Variants in SERPINB7 observed in about 807,000 individuals in gnomAD.
The protein encoded by SERPINB7 is serpin family B member 7, also known as serpin B7.
In SERPINB7, 31 loss-of-function variants were observed where a neutral mutation model predicts 37.4. The ratio of observed to expected loss-of-function variants is 0.83; its 90% CI spans 0.62 to 1.12. The LOEUF is 1.12. Ranked by LOEUF, SERPINB7 falls within the 50% of genes most tolerant of loss-of-function variation. The pLI is 0.00. For missense variants in SERPINB7, 521 were observed against 455.3 expected (o/e 1.14, Z -1.31); for synonymous variants, 163 against 166.1 (o/e 0.98, Z 0.14).
At chr18:63,788,727 A>G (rs2049397493) in intron 2 of SERPINB7, among the ~76,000 whole-genome samples, 1 of 152,172 alleles carries the variant, frequency 6.6e-6, no homozygotes, top group South Asian at 2.1e-4. Flanking sequence ...ACCAGTTTTC[A>G]TCTTTCATAC....
chr18:63,801,037 T>C (rs774531194), intron 7 of SERPINB7, 25 bp downstream of exon 7: 24 of 1,607,666 alleles, frequency 1.5e-5, no homozygotes, highest in Non-Finnish European at 2.0e-5. Flanking sequence ...TCATTTTCAC[T>C]ATTGGGAAAT....
chr18:63,772,406 T>TA (rs1299877262), upstream of SERPINB7, among the ~76,000 whole-genome samples: 4 of 152,024 alleles, frequency 2.6e-5, no homozygotes, highest in African/African-American at 9.7e-5. Context: ...TTTTAAAGGA[T>TA]AAGAAAATAG....
At chr18:63,758,779 T>A (rs1367816961) in intron 1 of SERPINB7, among the ~76,000 whole-genome samples, 1 of 152,188 alleles carries the variant, frequency 6.6e-6, no homozygotes, top group East Asian at 1.9e-4. Context: ...CCAAGAAGAA[T>A]GAATACTCTG....
rs1200340375 is a variant in SERPINB7, at chr18:63,783,186, A to AAG, written c.168+694_168+695dup. On this transcript the variant is annotated intron_variant, in intron 2 of 7. Coordinates refer to ENST00000398019, the MANE Select transcript of SERPINB7 (RefSeq NM_003784.4). The stretch of plus-strand genomic sequence containing the variant: ...CAAAAAGAAAATAAAGAAAGAAAGA[A>AAG]AGAGAGAGAGAGAGAGAGAGAGAGA... Among the ~76,000 whole-genome samples the AAG allele has an allele frequency of 1.7e-3, 126 of 75,306 alleles. 3 individuals carry two copies. The highest frequency in any genetic ancestry group is 2.2e-3 in the Non-Finnish European group (84 of 37,610). 49.4% of individuals were successfully genotyped at this position (75,306 alleles called of 152,430 possible).
At chr18:63,786,117 G>GTA (rs1322382102) in intron 2 of SERPINB7, among the ~76,000 whole-genome samples, 1 of 130,354 alleles carries the variant, frequency 7.7e-6, no homozygotes, top group African/African-American at 3.0e-5. Context: ...ATGTATATAT[G>GTA]TATATATATA....
At chr18:63,791,818 G>A (rs1359286338) in intron 2 of SERPINB7, among the ~76,000 whole-genome samples, 2 of 152,084 alleles carry the variant, frequency 1.3e-5, no homozygotes, top group African/African-American at 4.8e-5. Context: ...CACCGTGTTA[G>A]CCAGGATGGT....
At chr18:63,765,915 G>A (rs2049178281) in intron 1 of SERPINB7, among the ~76,000 whole-genome samples, 1 of 152,114 alleles carries the variant, frequency 6.6e-6, no homozygotes, top group African/African-American at 2.4e-5. Context: ...GAAGTTTAGA[G>A]TTAGGTAAGG....
At position 63,758,967 on chromosome 18, in the gene SERPINB7, T is replaced by A. The variant is rs114526390; in HGVS notation, c.-19+5847T>A. On this transcript the variant is annotated intron_variant, in intron 1 of 7. Coordinates refer to the SERPINB7 transcript ENST00000336429. ...AAGGGATGTCAAGCCTTGAGTGGAA[T>A]CATCACTAAATGTGGACCCACTTCT... is the stretch of plus-strand genomic sequence containing the variant. Among the ~76,000 whole-genome samples, 969 of 152,348 alleles carry A rather than the reference T, an allele frequency of 6.4e-3. 12 individuals carry two copies. The highest frequency in any genetic ancestry group is 0.022 in the African/African-American group (925 of 41,586).
intron 3 of SERPINB7, 81 bp from the exon 4 acceptor site, chr18:63,793,080 A>C: frequency 3.0e-6 from 2 of 659,316 alleles, no homozygotes; most frequent in Non-Finnish European, 5.0e-6. Context: ...TATAATTTGC[A>C]TGTTTTGTTT....
chr18:63,766,523 A>G (rs1327768152), intron 1 of SERPINB7, among the ~76,000 whole-genome samples: 3 of 151,872 alleles, frequency 2.0e-5, no homozygotes, highest in African/African-American at 7.3e-5. Context: ...GCACTTCCTG[A>G]ACTTTCCAGT....
intron 1 of SERPINB7, among the ~76,000 whole-genome samples, chr18:63,781,749 A>G (rs998646014): frequency 6.6e-6 from 1 of 152,230 alleles, no homozygotes; most frequent in African/African-American, 2.4e-5. Context: ...CTTGATACAT[A>G]CTCTGATAAT....
intron 7 of SERPINB7, among the ~76,000 whole-genome samples, chr18:63,802,368 G>T (rs1019364354): frequency 6.6e-6 from 1 of 152,122 alleles, no homozygotes; most frequent in Admixed American, 6.5e-5. Flanking sequence ...AGTTTGATCT[G>T]CAATCTCAGA....
rs770678270 is a variant in SERPINB7 at position 63,804,311 on chromosome 18, G to A, written c.819G>A (p.Glu273=). 7 of 1,612,712 alleles carry A rather than the reference G, an allele frequency of 4.3e-6. No individual in the cohort carries two copies. In the South Asian group the frequency reaches 5.5e-5, roughly 13 times the overall value. ...GGCGAATGACCTCTAAGTATGTTGA[G>A]GTATTTTTTCCTCAGTTCAAGATAG... ...NPRRMTSKYV[E]VFFPQFKIEK... is the part of the protein sequence containing the mutation. Residue 273 remains glutamate, a synonymous_variant, in exon 8 of 8, where the codon GAG becomes GAA. Coordinates refer to ENST00000398019, the MANE Select transcript of SERPINB7 (RefSeq NM_003784.4).
intron 1 of SERPINB7, among the ~76,000 whole-genome samples, chr18:63,758,409 T>C (rs1461604148): frequency 6.6e-6 from 1 of 152,168 alleles, no homozygotes; most frequent in Non-Finnish European, 1.5e-5. Flanking sequence ...AAAGATCAGG[T>C]AATATAAAGT....
At chr18:63,772,228 ACTAT>A (rs112720124), upstream of SERPINB7, among the ~76,000 whole-genome samples, 1,846 of 152,120 alleles carry the variant, frequency 0.012, 36 homozygotes, top group African/African-American at 0.042. Context: ...CCTTTAGCTT[ACTAT>A]CTATCTATCT....
chr18:63,794,847 A>G (rs970858837), intron 4 of SERPINB7, among the ~76,000 whole-genome samples: 2 of 152,242 alleles, frequency 1.3e-5, no homozygotes, highest in Non-Finnish European at 2.9e-5. Context: ...TTAGAGAGCT[A>G]GTCTTATCCT....
intron 1 of SERPINB7, among the ~76,000 whole-genome samples, chr18:63,768,612 T>C (rs1219272232): frequency 6.6e-6 from 1 of 152,134 alleles, no homozygotes; most frequent in Non-Finnish European, 1.5e-5. Flanking sequence ...ATGTCTTTCT[T>C]CCTATTAAGG....
chr18:63,769,252 G>C (rs55725102), intron 1 of SERPINB7, among the ~76,000 whole-genome samples: 1 of 121,220 alleles, frequency 8.2e-6, no homozygotes, highest in African/African-American at 2.6e-5. Context: ...CTCTCTAAAA[G>C]TTTCTTTATT....
At chr18:63,791,294 A>G (rs978338191) in intron 2 of SERPINB7, among the ~76,000 whole-genome samples, 3 of 152,238 alleles carry the variant, frequency 2.0e-5, no homozygotes, top group African/African-American at 7.2e-5. Flanking sequence ...AATAATAAAA[A>G]TAAATAAATA....
Sources: allele counts gnomAD v4.1 joint callset (sites outside exome capture counted in the v4.1 genomes callset), GRCh38; gene constraint gnomAD v4.1.1; transcripts MANE v1.5; gene names NCBI Gene and HGNC (gene_info 2026-07-23, HGNC 2026-07-21).